Variants in KCNH7 observed in about 807,000 individuals in gnomAD.
KCNH7 encodes voltage-gated inwardly rectifying potassium channel KCNH7.
A neutral mutation model predicts 120.8 loss-of-function variants in KCNH7; 49 were observed. The observed-to-expected ratio is 0.41, with a 90% CI of 0.32 to 0.51. The LOEUF (loss-of-function observed/expected upper bound fraction) is 0.51, where lower values mean the gene tolerates loss of function less well. KCNH7 is among the 20% of genes least tolerant of loss of function. The pLI is 0.38. For missense variants in KCNH7, 1,097 were observed against 1,446.6 expected (o/e 0.76, Z 3.92); for synonymous variants, 547 against 516.1 (o/e 1.06, Z -0.81).
In KCNH7 at chr2:162,475,638, G is replaced by T. The variant is rs1689708571; in HGVS notation, c.1128+28805C>A. On this transcript the variant is annotated intron_variant, in intron 6 of 15. Transcript: ENST00000332142. ...ACCTATAGCTGATTTTCACGATATA[G>T]GATATTTATACCCCTTAAATAACTG... Among the ~76,000 whole-genome samples the T allele has an allele frequency of 1.3e-5, 2 of 152,142 alleles. 1 individual carries two copies. The highest frequency in any genetic ancestry group is 4.1e-4 in the South Asian group (2 of 4,824).
chr2:162,817,681 A>G (rs570585463), intron 2 of KCNH7, among the ~76,000 whole-genome samples: 1 of 152,266 alleles, frequency 6.6e-6, no homozygotes, highest in East Asian at 1.9e-4. Context: ...TCTCACTGGC[A>G]ATACATGAGT....
At chr2:162,503,185 A>T (rs1264891084) in intron 6 of KCNH7, among the ~76,000 whole-genome samples, 1 of 151,962 alleles carries the variant, frequency 6.6e-6, no homozygotes, top group African/African-American at 2.4e-5. Context: ...CAGGGCCCTG[A>T]TCCTAATATT....
At chr2:162,814,621 G>A (rs1684853898) in intron 2 of KCNH7, among the ~76,000 whole-genome samples, 1 of 152,234 alleles carries the variant, frequency 6.6e-6, no homozygotes, top group African/African-American at 2.4e-5. Flanking sequence ...GACTATTAGG[G>A]TGTCCTGCTA....
chr2:162,740,325 A>G (rs1316293429), intron 2 of KCNH7, among the ~76,000 whole-genome samples: 1 of 152,216 alleles, frequency 6.6e-6, no homozygotes, highest in Non-Finnish European at 1.5e-5. Flanking sequence ...TTAGGCAGCT[A>G]ATAAAGCAGG....
chr2:162,487,814 G>A (rs1010987110), intron 6 of KCNH7, among the ~76,000 whole-genome samples: 2 of 152,138 alleles, frequency 1.3e-5, no homozygotes, highest in Non-Finnish European at 2.9e-5. Context: ...AAGTTCCCAA[G>A]TTGGAATTCA....
At chr2:162,673,421 C>T (rs773114132) in intron 2 of KCNH7, among the ~76,000 whole-genome samples, 2 of 152,040 alleles carry the variant, frequency 1.3e-5, no homozygotes, top group Non-Finnish European at 2.9e-5. Context: ...CACCACATAT[C>T]AGATTGTATT....
intron 2 of KCNH7, among the ~76,000 whole-genome samples, chr2:162,820,092 T>G (rs1326628763): frequency 7.3e-6 from 1 of 137,166 alleles, no homozygotes; most frequent in East Asian, 2.1e-4. Context: ...CAGGCTGGAG[T>G]GCAGTGGCGC....
chr2:162,706,570 T>C (rs188081179), intron 2 of KCNH7, among the ~76,000 whole-genome samples: 182 of 152,206 alleles, frequency 1.2e-3, no homozygotes, highest in Non-Finnish European at 1.7e-3. Flanking sequence ...ACAATGTTTT[T>C]ACTCTTAATA....
In KCNH7 at chr2:162,838,697, T is replaced by A. The variant is rs1685748488; in HGVS notation, c.-179A>T. On this transcript the variant is annotated 5_prime_UTR_variant, in exon 1 of 16. Transcript: ENST00000332142. The stretch of plus-strand genomic sequence containing the variant: ...TAGACACCCGCTTTCCCCACCGGAG[T>A]CCAATCCATTCCCCTCACCTTCCGG... The A allele has an allele frequency of 2.3e-6, 1 of 435,532 alleles. No homozygotes were observed. Among genetic ancestry groups the A allele is most frequent in the Non-Finnish European group, 4.2e-6 (1 of 240,508 alleles). 27.0% of individuals were successfully genotyped at this position (435,532 alleles called of 1,614,324 possible). A position where few individuals can be genotyped will look rare whatever the true frequency, so the allele number is the denominator to read the frequency against.
chr2:162,717,794 G>C (rs751178944), intron 2 of KCNH7, among the ~76,000 whole-genome samples: 9 of 152,046 alleles, frequency 5.9e-5, no homozygotes, highest in Non-Finnish European at 1.2e-4. Flanking sequence ...GAATGAATGA[G>C]ATAAAGGCTG....
chr2:162,766,345 ACT>A (rs974301381), intron 2 of KCNH7, among the ~76,000 whole-genome samples: 10 of 152,168 alleles, frequency 6.6e-5, no homozygotes, highest in African/African-American at 2.4e-4. Flanking sequence ...CAAAAATCCA[ACT>A]ACAAGAAAGG....
intron 2 of KCNH7, among the ~76,000 whole-genome samples, chr2:162,701,147 A>T (rs1278676139): frequency 6.6e-6 from 1 of 152,190 alleles, no homozygotes; most frequent in Non-Finnish European, 1.5e-5. Context: ...ATTCCAAAGA[A>T]GTCACTGGGA....
chr2:162,719,899 C>T (rs544761701), intron 2 of KCNH7, among the ~76,000 whole-genome samples: 1 of 152,126 alleles, frequency 6.6e-6, no homozygotes, highest in East Asian at 1.9e-4. Context: ...TTTAATAATA[C>T]ACTCTTCATT....
chr2:162,792,357 A>G (rs532247234), intron 2 of KCNH7, among the ~76,000 whole-genome samples: 2 of 151,984 alleles, frequency 1.3e-5, no homozygotes, highest in Non-Finnish European at 1.5e-5. Flanking sequence ...CAGCAGGAAT[A>G]TTGCCAGCTC....
Position 162,597,754 on chromosome 2 carries a change from C to T in KCNH7, c.308-60674G>A, listed in dbSNP as rs186420446. On this transcript the variant is annotated intron_variant, in intron 2 of 15. Transcript: ENST00000332142. ...TAAGGTGATGAATAAGTTCATTGACCTGATTTTCTCATTCCACAATGTATA... is the reference window on the plus strand; with the variant it reads ...TAAGGTGATGAATAAGTTCATTGACTTGATTTTCTCATTCCACAATGTATA... Among the ~76,000 whole-genome samples the T allele has an allele frequency of 5.4e-4, 82 of 152,130 alleles. 2 individuals carry two copies. The highest frequency in any genetic ancestry group is 1.9e-3 in the African/African-American group (77 of 41,534).
chr2:162,412,225 G>T lies in KCNH7; in HGVS notation c.2154+11111C>A, dbSNP rs189355082. 2.3e-3 allele frequency among the ~76,000 whole-genome samples: 353 copies of T among 151,998 alleles called. 4 individuals carry two copies. The highest frequency in any genetic ancestry group is 9.1e-3 in the South Asian group (44 of 4,818). On this transcript the variant is annotated intron_variant, in intron 9 of 15. Coordinates refer to ENST00000332142, the MANE Select transcript of KCNH7 (RefSeq NM_033272.4). ...TAATATATTTTATTTGACTCACTATGCTATATAAAATTAATAAAGATATTT... is the reference window on the plus strand; with the variant it reads ...TAATATATTTTATTTGACTCACTATTCTATATAAAATTAATAAAGATATTT...
chr2:162,763,945 C>T (rs924175892), intron 2 of KCNH7, among the ~76,000 whole-genome samples: 1 of 151,860 alleles, frequency 6.6e-6, no homozygotes, highest in Non-Finnish European at 1.5e-5. Context: ...AATAAAGATG[C>T]TACAGGAGTC....
intron 2 of KCNH7, among the ~76,000 whole-genome samples, chr2:162,592,724 A>C (rs1694250382): frequency 6.6e-6 from 1 of 152,086 alleles, no homozygotes; most frequent in African/African-American, 2.4e-5. Context: ...TGTTAAAATA[A>C]ATATATAGTT....
rs576242878 is a variant in KCNH7 at position 162,786,829 on chromosome 2, T to C, written c.307+49708A>G. Among the ~76,000 whole-genome samples, 8 of 152,206 alleles carry C rather than the reference T, an allele frequency of 5.3e-5. No homozygotes were observed. The South Asian group carries it at 6.2e-4, about 12-fold the overall frequency. ...ATAGGAGTTTCCCTTCACAAAAATA[T>C]CCATTTGAACAACCATCCGCACCAG... On this transcript the variant is annotated intron_variant, in intron 2 of 15. Coordinates refer to ENST00000332142, the MANE Select transcript of KCNH7 (RefSeq NM_033272.4).
Sources: allele counts gnomAD v4.1 joint callset (sites outside exome capture counted in the v4.1 genomes callset), GRCh38; gene constraint gnomAD v4.1.1; transcripts MANE v1.5; gene names NCBI Gene and HGNC (gene_info 2026-07-23, HGNC 2026-07-21).